Variants in PTPRZ1 observed in about 807,000 individuals in gnomAD.
The protein encoded by PTPRZ1 is protein tyrosine phosphatase receptor type Z1, also known as receptor-type tyrosine-protein phosphatase zeta.
In PTPRZ1, 82 loss-of-function variants were observed where a neutral mutation model predicts 214.1. The observed-to-expected ratio is 0.38, with a 90% CI of 0.32 to 0.46. The LOEUF is 0.46. Ranked by LOEUF, PTPRZ1 falls within the 20% of genes least tolerant of loss-of-function variation. The probability of loss-of-function intolerance (pLI) is 1.00; values close to 1 mark genes in which losing one functional copy is unlikely to be tolerated. For missense variants in PTPRZ1, 2,603 were observed against 2,748.7 expected, an observed-to-expected ratio of 0.95 and a Z score of 1.19; for synonymous variants, 945 against 987.9, an observed-to-expected ratio of 0.96 and a Z score of 0.81.
At chr7:121,896,421 T>C (rs1289826102) in intron 1 of PTPRZ1, among the ~76,000 whole-genome samples, 1 of 152,134 alleles carries the variant, frequency 6.6e-6, no homozygotes, top group Non-Finnish European at 1.5e-5. Flanking sequence ...TTATTCACAA[T>C]AGCTGAGAGA....
intron 4 of PTPRZ1, among the ~76,000 whole-genome samples, chr7:121,973,567 T>C (rs1231350876): frequency 6.6e-6 from 1 of 152,124 alleles, no homozygotes; most frequent in African/African-American, 2.4e-5. Context: ...TTCCGTGAAA[T>C]TGACATAGTA....
At chr7:121,906,903 G>A (rs1343321058) in intron 1 of PTPRZ1, among the ~76,000 whole-genome samples, 1 of 152,122 alleles carries the variant, frequency 6.6e-6, no homozygotes, top group Non-Finnish European at 1.5e-5. Flanking sequence ...ATATGGAATA[G>A]TAAGTTATTA....
At chr7:121,906,594 GTGT>G (rs1795123461) in intron 1 of PTPRZ1, among the ~76,000 whole-genome samples, 5 of 152,124 alleles carry the variant, frequency 3.3e-5, no homozygotes, top group African/African-American at 1.2e-4. Context: ...TGTTTGGTAG[GTGT>G]CTGGCTGGCA....
intron 1 of PTPRZ1, among the ~76,000 whole-genome samples, chr7:121,892,283 A>G (rs1268786026): frequency 6.6e-6 from 1 of 152,076 alleles, no homozygotes; most frequent in Non-Finnish European, 1.5e-5. Context: ...GTTTTTTCTT[A>G]CAAAACATAT....
At chr7:121,972,088 A>T (rs1473175437) in intron 3 of PTPRZ1, among the ~76,000 whole-genome samples, 1 of 152,166 alleles carries the variant, frequency 6.6e-6, no homozygotes, top group African/African-American at 2.4e-5. Context: ...ACATGGAGGG[A>T]TAAGCAGCAG....
chr7:121,902,836 G>T (rs958176961), intron 1 of PTPRZ1, among the ~76,000 whole-genome samples: 2 of 151,996 alleles, frequency 1.3e-5, no homozygotes, highest in Admixed American at 1.3e-4. Context: ...AATGTTTATT[G>T]ATAATATCTG....
chr7:122,007,118 T>C (rs1405913977), intron 11 of PTPRZ1, among the ~76,000 whole-genome samples: 2 of 151,894 alleles, frequency 1.3e-5, no homozygotes, highest in Non-Finnish European at 2.9e-5. Flanking sequence ...TACAACACAC[T>C]GAGGAAGGAG....
intron 2 of PTPRZ1, among the ~76,000 whole-genome samples, chr7:121,967,750 G>C (rs929118159): frequency 6.6e-6 from 1 of 152,120 alleles, no homozygotes; most frequent in African/African-American, 2.4e-5. Flanking sequence ...TGGCATGGTT[G>C]TTCTACAGAC....
intron 10 of PTPRZ1, among the ~76,000 whole-genome samples, chr7:122,004,048 C>A (rs1798403624): frequency 6.6e-6 from 1 of 152,158 alleles, no homozygotes; most frequent in South Asian, 2.1e-4. Flanking sequence ...GGAAAACACT[C>A]TTCATTTTAC....
chr7:121,956,960 T>TAAAAA (rs373936533), intron 2 of PTPRZ1, among the ~76,000 whole-genome samples: 3 of 151,548 alleles, frequency 2.0e-5, no homozygotes, highest in African/African-American at 7.3e-5. Context: ...CAACATAGCT[T>TAAAAA]AAAAAAAAAG....
At chr7:121,986,764 A>C (rs529059907) in intron 8 of PTPRZ1, among the ~76,000 whole-genome samples, 2 of 152,196 alleles carry the variant, frequency 1.3e-5, no homozygotes, top group African/African-American at 4.8e-5. Context: ...CTCAAAATAG[A>C]CTCACTCATT....
intron 1 of PTPRZ1, among the ~76,000 whole-genome samples, chr7:121,924,050 C>T (rs1316448651): frequency 1.3e-5 from 2 of 152,014 alleles, no homozygotes; most frequent in South Asian, 2.1e-4. Context: ...AAAAGATTTG[C>T]TAATATGTAT....
intron 2 of PTPRZ1, among the ~76,000 whole-genome samples, chr7:121,935,893 G>A (rs1251778202): frequency 1.3e-5 from 2 of 152,088 alleles, no homozygotes; most frequent in African/African-American, 4.8e-5. Flanking sequence ...TTACTCAGTA[G>A]GGCTCTAGTT....
intron 1 of PTPRZ1, among the ~76,000 whole-genome samples, chr7:121,910,897 G>A (rs1375763443): frequency 1.3e-5 from 2 of 152,142 alleles, no homozygotes; most frequent in Non-Finnish European, 2.9e-5. Flanking sequence ...CAAGATTCTA[G>A]TATATGTTAT....
Position 122,039,451 on chromosome 7 carries a change from C to T in PTPRZ1, c.5503-3C>T. The stretch of plus-strand genomic sequence containing the variant: ...GAAGTAACATCTACATTTTCTTTTG[C>T]AGAGAAAATGTGATCAGTACTGGCC... On this transcript the variant is annotated splice_polypyrimidine_tract_variant and splice_region_variant and intron_variant, in intron 19 of 29. Transcript: ENST00000393386. 6.2e-7 allele frequency: 1 copy of T among 1,604,480 alleles called. No homozygotes were observed. The highest frequency in any genetic ancestry group is 8.5e-7 in the Non-Finnish European group (1 of 1,177,668).
intron 2 of PTPRZ1, among the ~76,000 whole-genome samples, chr7:121,960,945 T>C (rs1796857193): frequency 6.6e-6 from 1 of 151,970 alleles, no homozygotes; most frequent in Non-Finnish European, 1.5e-5. Flanking sequence ...CTGAAGCATT[T>C]TTTTTTTTTG....
At chr7:121,947,424 A>G (rs995924493) in intron 2 of PTPRZ1, among the ~76,000 whole-genome samples, 4 of 152,188 alleles carry the variant, frequency 2.6e-5, no homozygotes, top group African/African-American at 9.6e-5. Flanking sequence ...TTAATAAGAA[A>G]GAAAGGGAAA....
intron 2 of PTPRZ1, among the ~76,000 whole-genome samples, chr7:121,967,350 T>C (rs1797075640): frequency 6.6e-6 from 1 of 152,148 alleles, no homozygotes; most frequent in African/African-American, 2.4e-5. Context: ...GATGATTATG[T>C]TTTTGTAAAT....
chr7:121,873,652 C>A, intron 1 of PTPRZ1, 95 bp downstream of exon 1: 1 of 1,441,048 alleles, frequency 6.9e-7, no homozygotes, highest in Non-Finnish European at 9.6e-7. Context: ...GCCGCCGCCG[C>A]CATCTAGCCA....
Sources: allele counts gnomAD v4.1 joint callset (sites outside exome capture counted in the v4.1 genomes callset), GRCh38; gene constraint gnomAD v4.1.1; transcripts MANE v1.5; gene names NCBI Gene and HGNC (gene_info 2026-07-23, HGNC 2026-07-21).